The following COL24A1 variants were observed in gnomAD, a reference collection of about 807,000 sequenced individuals.
COL24A1 encodes collagen type XXIV alpha 1 chain.
COL24A1 carries 224 observed loss-of-function variants against 253.9 expected under a neutral mutation model. The ratio of observed to expected loss-of-function variants is 0.88; its 90% CI spans 0.79 to 0.99. The LOEUF (loss-of-function observed/expected upper bound fraction) is 0.99, where lower values mean the gene tolerates loss of function less well. Ranked by LOEUF, COL24A1 falls within the 50% of genes least tolerant of loss-of-function variation. COL24A1 has a pLI of 0.00. For synonymous variants in COL24A1, 685 were observed against 673.7 expected, an observed-to-expected ratio of 1.02 and a Z score of -0.26; for missense variants, 2,131 against 2,068.5, an observed-to-expected ratio of 1.03 and a Z score of -0.59.
intron 11 of COL24A1, among the ~76,000 whole-genome samples, chr1:86,048,907 T>C (rs571971981): frequency 4.1e-4 from 62 of 152,298 alleles, no homozygotes; most frequent in Non-Finnish European, 8.2e-4. Flanking sequence ...GATGACAACA[T>C]TTTACAAGGA....
intron 28 of COL24A1, among the ~76,000 whole-genome samples, chr1:85,902,640 G>A (rs541443690): frequency 1.3e-5 from 2 of 152,086 alleles, no homozygotes; most frequent in East Asian, 1.9e-4. Flanking sequence ...CCCACTGAGG[G>A]CTAAAATGGG....
chr1:85,876,131 T>A (rs12735496), intron 33 of COL24A1, among the ~76,000 whole-genome samples: 29,404 of 151,760 alleles, frequency 0.19, 3,214 homozygotes, highest in Non-Finnish European at 0.24. Flanking sequence ...GATATAAGAA[T>A]GATAAACCGG....
chr1:86,019,399 T>G (rs1697282908), intron 18 of COL24A1, among the ~76,000 whole-genome samples: 1 of 97,814 alleles, frequency 1.0e-5, no homozygotes, highest in Non-Finnish European at 2.2e-5. Context: ...CTACAATTTT[T>G]TTTTTTTTTA....
intron 19 of COL24A1, among the ~76,000 whole-genome samples, chr1:86,015,571 C>A (rs629683): frequency 6.6e-6 from 1 of 151,868 alleles, no homozygotes; most frequent in African/African-American, 2.4e-5. Context: ...GTACATATCA[C>A]CTGTAACTGC....
chr1:85,777,425 T>C (rs936029401), intron 52 of COL24A1, among the ~76,000 whole-genome samples: 15 of 152,288 alleles, frequency 9.8e-5, no homozygotes, highest in Non-Finnish European at 1.9e-4. Flanking sequence ...GGAATCATAT[T>C]ATATACTCTT....
intron 45 of COL24A1, among the ~76,000 whole-genome samples, chr1:85,820,274 G>C (rs112912545): frequency 1.3e-5 from 2 of 152,278 alleles, no homozygotes; most frequent in African/African-American, 4.8e-5. Flanking sequence ...AAAGTACATA[G>C]AGTAAAAATC....
intron 7 of COL24A1, among the ~76,000 whole-genome samples, chr1:86,077,683 T>C (rs1374422496): frequency 1.3e-5 from 2 of 152,168 alleles, no homozygotes; most frequent in African/African-American, 4.8e-5. Context: ...TCCATGTTCT[T>C]TGCAGGGACA....
intron 18 of COL24A1, 134 bp from the exon 19 acceptor site, chr1:86,017,338 T>A (rs1697093455): frequency 2.5e-6 from 2 of 809,712 alleles, no homozygotes. Context: ...AATGACTTTT[T>A]AGAAAAATTT....
rs191470812 is a variant in COL24A1, at chr1:85,797,264, T to A, written c.3952-10803A>T. 5.6e-4 allele frequency among the ~76,000 whole-genome samples: 84 copies of A among 150,112 alleles called. 1 individual carries two copies. Among genetic ancestry groups the A allele is most frequent in the Middle Eastern group, 6.8e-3 (2 of 294 alleles). On this transcript the variant is annotated intron_variant, in intron 47 of 59. Transcript: ENST00000370571. Reference sequence around the variant, plus strand: ...AATTCCCAAATGTTTATTGATCTTCTCCTATGGGCCTGACATGGTGCTAGG... The same window carrying A: ...AATTCCCAAATGTTTATTGATCTTCACCTATGGGCCTGACATGGTGCTAGG...
At chr1:86,019,061 A>G (rs534827477) in intron 18 of COL24A1, among the ~76,000 whole-genome samples, 1 of 152,356 alleles carries the variant, frequency 6.6e-6, no homozygotes, top group Middle Eastern at 3.4e-3. Context: ...TCTATAAAAT[A>G]GGGAAGACAT....
intron 1 of COL24A1, 103 bp downstream of exon 1, chr1:86,156,238 G>T: frequency 1.8e-6 from 2 of 1,125,638 alleles, no homozygotes; most frequent in Non-Finnish European, 2.5e-6. Flanking sequence ...GCCAAAAAGT[G>T]CCAAGGAGCC....
intron 10 of COL24A1, among the ~76,000 whole-genome samples, chr1:86,050,564 C>G (rs1418469658): frequency 9.2e-5 from 14 of 151,818 alleles, no homozygotes; most frequent in Non-Finnish European, 1.5e-5. Flanking sequence ...TGGCAGGAGG[C>G]AAAGGCAATC....
At chr1:85,894,726 G>T (rs1169755479) in intron 31 of COL24A1, among the ~76,000 whole-genome samples, 1 of 152,098 alleles carries the variant, frequency 6.6e-6, no homozygotes, top group Admixed American at 6.6e-5. Flanking sequence ...TGAGGATAAC[G>T]TTAATCAATA....
At chr1:85,757,275 C>T (rs987522645) in intron 55 of COL24A1, among the ~76,000 whole-genome samples, 1 of 152,138 alleles carries the variant, frequency 6.6e-6, no homozygotes, top group African/African-American at 2.4e-5. Flanking sequence ...TTAGACCAAA[C>T]TATCCTACTT....
chr1:85,868,621 T>C lies in COL24A1; in HGVS notation c.3198A>G (p.Val1066=). 1.9e-6 allele frequency: 3 copies of C among 1,612,358 alleles called. No homozygotes were observed. Among genetic ancestry groups the C allele is most frequent in the South Asian group, 1.1e-5 (1 of 91,020 alleles). Reference sequence around the variant, plus strand: ...CTCCAGGAAGTCCCCTTCCTCCTGGTACTCCCTGTAATGCAATAAAAAAGT... The same window carrying C: ...CTCCAGGAAGTCCCCTTCCTCCTGGCACTCCCTGTAATGCAATAAAAAAGT... The part of the protein sequence containing the change: ...GLQGKDGLKG[V]PGGRGLPGED... The change falls in exon 37 of 60, where the codon GTA becomes GTG. Residue 1066 remains valine, a synonymous_variant. Coordinates refer to ENST00000370571, the MANE Select transcript of COL24A1 (RefSeq NM_152890.7).
At chr1:86,082,646 A>ATATATTTATATAAATATATAACT (rs1491563364) in intron 7 of COL24A1, among the ~76,000 whole-genome samples, 18 of 147,854 alleles carry the variant, frequency 1.2e-4, no homozygotes, top group Admixed American at 2.7e-4. Context: ...AATATATAAC[A>ATATATTTATATAAATATATAACT]TATATTTATA....
chr1:85,756,418 CAA>C (rs553127564), intron 55 of COL24A1, among the ~76,000 whole-genome samples: 2 of 145,234 alleles, frequency 1.4e-5, no homozygotes, highest in African/African-American at 2.6e-5. Flanking sequence ...GAGTCTGTCT[CAA>C]AAAAAAAAAA....
Position 86,147,630 on chromosome 1 carries a change from GAC to G in COL24A1, c.57-1449_57-1448del, listed in dbSNP as rs1011704172. Among the ~76,000 whole-genome samples the G allele has an allele frequency of 5.9e-5, 9 of 152,342 alleles. No individual in the cohort carries two copies. In the East Asian group the frequency reaches 1.7e-3, roughly 29 times the overall value. On this transcript the variant is annotated intron_variant, in intron 1 of 59. Coordinates refer to ENST00000370571, the MANE Select transcript of COL24A1 (RefSeq NM_152890.7). The stretch of plus-strand genomic sequence containing the variant: ...GTAAAAAATGCAGATTTTGGGCCCT[GAC>G]ACAGAGATTATGATTCAAAAATTTG...
Position 85,781,256 on chromosome 1 carries a change from A to G in COL24A1, c.4302T>C (p.Leu1434=), listed in dbSNP as rs780343156. ...TTGGGCCTATTATACCTTCTCTGCC[A>G]AGGGGACCAGTGTTTCCCTGTTGAG... ...PIGHRGNTGP[L]GREGIIGPTG... Residue 1434 remains leucine, a synonymous_variant, in exon 52 of 60, where the codon CTT becomes CTC. Transcript: ENST00000370571. 10 of 1,607,736 alleles carry G rather than the reference A, an allele frequency of 6.2e-6. No individual in the cohort carries two copies. The highest frequency in any genetic ancestry group is 8.5e-6 in the Non-Finnish European group (10 of 1,177,238).
Sources: allele counts gnomAD v4.1 joint callset (sites outside exome capture counted in the v4.1 genomes callset), GRCh38; gene constraint gnomAD v4.1.1; transcripts MANE v1.5; gene names NCBI Gene and HGNC (gene_info 2026-07-23, HGNC 2026-07-21).